ENTREP2: variants seen among roughly 807,000 people sequenced by gnomAD.
ENTREP2 encodes endosomal transmembrane epsin interactor 2.
At chr15:29,385,030 T>C in the ENTREP2 span, among the ~76,000 whole-genome samples, 2 of 152,000 alleles carry the variant, frequency 1.3e-5, no homozygotes, top group Non-Finnish European at 2.9e-5. Context: ...CCCTCCTCAC[T>C]CACGAAGAGC....
the ENTREP2 span, among the ~76,000 whole-genome samples, chr15:29,129,967 G>A: frequency 6.6e-6 from 1 of 152,064 alleles, no homozygotes; most frequent in Non-Finnish European, 1.5e-5. Context: ...GGAAGGTGAG[G>A]GGGGCTCCTG....
chr15:29,510,006 T>C, the ENTREP2 span, among the ~76,000 whole-genome samples: 3 of 152,196 alleles, frequency 2.0e-5, no homozygotes, highest in African/African-American at 4.8e-5. Flanking sequence ...TCTATTCATC[T>C]GACAAAGGGG....
At chr15:29,433,128 C>T in the ENTREP2 span, among the ~76,000 whole-genome samples, 1 of 152,180 alleles carries the variant, frequency 6.6e-6, no homozygotes, top group Admixed American at 6.5e-5. Context: ...CCCCGACGGT[C>T]CTGGCACTCT....
At chr15:29,379,918 G>C in the ENTREP2 span, among the ~76,000 whole-genome samples, 23 of 151,872 alleles carry the variant, frequency 1.5e-4, no homozygotes, top group African/African-American at 5.3e-4. Flanking sequence ...TGGGTGTGGA[G>C]TGAGGAGGCA....
At chr15:29,601,833 T>A in the ENTREP2 span, among the ~76,000 whole-genome samples, 2 of 152,218 alleles carry the variant, frequency 1.3e-5, no homozygotes, top group Non-Finnish European at 1.5e-5. Context: ...GAATGACATA[T>A]GCACAATGAC....
chr15:29,591,359 G>A, the ENTREP2 span, among the ~76,000 whole-genome samples: 1 of 152,182 alleles, frequency 6.6e-6, no homozygotes, highest in Non-Finnish European at 1.5e-5. Context: ...CTCCTCACTT[G>A]CTTCTTCCCC....
the ENTREP2 span, among the ~76,000 whole-genome samples, chr15:29,558,465 C>T: frequency 2.0e-5 from 3 of 151,598 alleles, no homozygotes; most frequent in Non-Finnish European, 2.9e-5. Context: ...CCGCCCTCTT[C>T]ACGACCTCCC....
At chr15:29,445,984 C>A in the ENTREP2 span, among the ~76,000 whole-genome samples, 3 of 152,186 alleles carry the variant, frequency 2.0e-5, no homozygotes, top group Non-Finnish European at 4.4e-5. Flanking sequence ...TCTGGGCGAC[C>A]AGAGAAGCAT....
At chr15:29,120,837 G>A in the ENTREP2 span, 1 of 152,280 alleles carries the variant, frequency 6.6e-6, no homozygotes, top group Non-Finnish European at 1.5e-5. Context: ...CGGGGCCTGG[G>A]CTCTTGCTGC....
chr15:29,320,220 C>G, the ENTREP2 span, among the ~76,000 whole-genome samples: 2 of 152,144 alleles, frequency 1.3e-5, no homozygotes, highest in Non-Finnish European at 2.9e-5. Context: ...CACCTTCCCA[C>G]CACAGCAACA....
At chr15:29,351,818 T>TA in the ENTREP2 span, among the ~76,000 whole-genome samples, 1 of 151,542 alleles carries the variant, frequency 6.6e-6, no homozygotes, top group Non-Finnish European at 1.5e-5. Context: ...TTTTTTATTT[T>TA]TTTTTTGGTA....
At chr15:29,489,153 A>AAAAT in the ENTREP2 span, among the ~76,000 whole-genome samples, 2 of 152,036 alleles carry the variant, frequency 1.3e-5, no homozygotes, top group Non-Finnish European at 2.9e-5. Flanking sequence ...AACATGGGAA[A>AAAAT]AACTGGCTTC....
At chr15:29,334,499 G>C in the ENTREP2 span, among the ~76,000 whole-genome samples, 2 of 152,148 alleles carry the variant, frequency 1.3e-5, no homozygotes, top group Non-Finnish European at 2.9e-5. Flanking sequence ...AGGATTCTAA[G>C]GGCTACGATG....
At chr15:29,569,164 C>T in the ENTREP2 span, among the ~76,000 whole-genome samples, 1 of 152,186 alleles carries the variant, frequency 6.6e-6, no homozygotes, top group Non-Finnish European at 1.5e-5. Context: ...TTGCCTCCAA[C>T]CTCCTCTCTT....
chr15:29,406,420 T>TA, the ENTREP2 span, among the ~76,000 whole-genome samples: 14 of 152,094 alleles, frequency 9.2e-5, no homozygotes, highest in East Asian at 2.5e-3. Flanking sequence ...TCATAGCAGG[T>TA]GCCTGTAATC....
chr15:29,255,894 G>A, the ENTREP2 span, among the ~76,000 whole-genome samples: 6 of 151,876 alleles, frequency 4.0e-5, no homozygotes, highest in African/African-American at 1.4e-4. Flanking sequence ...CCAGCTACTC[G>A]GGATGCTGAG....
chr15:29,251,613 G>A, the ENTREP2 span, among the ~76,000 whole-genome samples: 5 of 151,452 alleles, frequency 3.3e-5, no homozygotes, highest in South Asian at 6.3e-4. Context: ...TTCTTCTAAC[G>A]TGGCCCGAGG....
At chr15:29,637,807 C>T in the ENTREP2 span, among the ~76,000 whole-genome samples, 1 of 152,134 alleles carries the variant, frequency 6.6e-6, no homozygotes. Flanking sequence ...GGGAAGTGTG[C>T]AGAGCGGAGG....
the ENTREP2 span, among the ~76,000 whole-genome samples, chr15:29,355,392 G>A: frequency 6.6e-6 from 1 of 150,852 alleles, no homozygotes. Context: ...ACAGTAATTT[G>A]AGTTTTTAAA....
Sources: gnomAD v4.1 joint callset for allele counts (sites outside exome capture counted in the v4.1 genomes callset) on GRCh38, gnomAD v4.1.1 for gene constraint, MANE v1.5 for transcripts, NCBI Gene and HGNC (gene_info 2026-07-23, HGNC 2026-07-21) for gene names.